Variants in TIMP3 observed in about 807,000 individuals in gnomAD.
TIMP3 encodes metalloproteinase inhibitor 3.
In TIMP3, 11 loss-of-function variants were observed where a neutral mutation model predicts 30.0. That is an observed-to-expected ratio of 0.37 (90% CI 0.23 to 0.61). The LOEUF is 0.61. Among genes scored for constraint, TIMP3 ranks in the 20% least tolerant of loss-of-function variants. The pLI, the probability that TIMP3 is intolerant of heterozygous loss-of-function variation, is 0.70. For missense variants in TIMP3, 181 were observed against 276.8 expected (o/e 0.65, Z 2.45); for synonymous variants, 112 against 111.3 (o/e 1.01, Z -0.04).
At chr22:32,822,653 G>C (rs776995323) in intron 1 of TIMP3, among the ~76,000 whole-genome samples, 1 of 152,120 alleles carries the variant, frequency 6.6e-6, no homozygotes, top group Non-Finnish European at 1.5e-5. Context: ...ATTATGGTGC[G>C]TTCATACAGT....
intron 3 of TIMP3, 102 bp downstream of exon 3, chr22:32,857,462 G>A: frequency 1.1e-6 from 1 of 887,438 alleles, no homozygotes; most frequent in Non-Finnish European, 1.9e-6. Flanking sequence ...CAAATGTCCA[G>A]TAAATTGTAA....
In TIMP3 at chr22:32,857,871, G is replaced by T. The variant is rs1281214210; in HGVS notation, c.317-146G>T. On this transcript the variant is annotated intron_variant, in intron 3 of 4. Coordinates refer to ENST00000266085, the MANE Select transcript of TIMP3 (RefSeq NM_000362.5). ...GGGGCTACAGTCCATTTTAAAAGGTGTTGGGTAGGGTGAAATAAAATCATG... is the reference window on the plus strand; with the variant it reads ...GGGGCTACAGTCCATTTTAAAAGGTTTTGGGTAGGGTGAAATAAAATCATG... 6 of 1,233,406 alleles carry T rather than the reference G, an allele frequency of 4.9e-6. No individual in the cohort carries two copies. In the East Asian group the frequency reaches 1.4e-4, roughly 29 times the overall value. The allele number at this position is 1,233,406 out of a possible 1,614,324, so 76.4% of individuals were successfully genotyped here.
At chr22:32,833,799 G>A in intron 1 of TIMP3, 1 of 499,926 alleles carries the variant, frequency 2.0e-6, no homozygotes, top group South Asian at 1.4e-5. Context: ...ACTTTATAGG[G>A]CCCTAGTGAG....
intron 1 of TIMP3, among the ~76,000 whole-genome samples, chr22:32,810,457 C>T (rs5749517): frequency 0.048 from 7,200 of 149,416 alleles, 209 homozygotes; most frequent in African/African-American, 0.062. Context: ...GAAAGCTGTA[C>T]GATCTGGCCT....
intron 2 of TIMP3, among the ~76,000 whole-genome samples, chr22:32,850,931 C>T (rs1007186303): frequency 6.6e-6 from 1 of 152,170 alleles, no homozygotes; most frequent in African/African-American, 2.4e-5. Context: ...TTCCTGTGTC[C>T]TGAGGCTGGA....
intron 1 of TIMP3, among the ~76,000 whole-genome samples, chr22:32,847,869 A>G (rs2048113033): frequency 1.3e-5 from 2 of 152,216 alleles, no homozygotes; most frequent in South Asian, 2.1e-4. Context: ...CCCCATTCCA[A>G]TTCCTGTTGA....
chr22:32,814,227 GAA>G (rs1246463192), intron 1 of TIMP3, among the ~76,000 whole-genome samples: 1 of 122,986 alleles, frequency 8.1e-6, no homozygotes, highest in Non-Finnish European at 1.7e-5. Context: ...AGGAAAGAAA[GAA>G]AAAAAAAGAA....
chr22:32,831,853 C>G (rs188572608), intron 1 of TIMP3, among the ~76,000 whole-genome samples: 7 of 152,114 alleles, frequency 4.6e-5, no homozygotes, highest in African/African-American at 7.2e-5. Flanking sequence ...CTGCACCCCC[C>G]CCAACCTCCA....
At chr22:32,849,885 G>A (rs936790900) in intron 2 of TIMP3, among the ~76,000 whole-genome samples, 5 of 152,054 alleles carry the variant, frequency 3.3e-5, no homozygotes, top group Admixed American at 6.5e-5. Context: ...ATTGTGAAAT[G>A]AGGGGGTTGG....
Position 32,801,828 on chromosome 22 carries a change from C to T in TIMP3, c.-174C>T. ...TCCTGCGCCAGCGCCGAGGCAGCCT[C>T]GCTGCGCCCCATCCCGTCCCGCCGG... On this transcript the variant is annotated 5_prime_UTR_variant, in exon 1 of 5. Coordinates refer to ENST00000266085, the MANE Select transcript of TIMP3 (RefSeq NM_000362.5). The surrounding 1 kb of genome is among the most constrained non-coding windows in gnomAD (Gnocchi z 4.7). 2.7e-6 allele frequency: 2 copies of T among 747,184 alleles called. No homozygotes were observed. Among genetic ancestry groups the T allele is most frequent in the East Asian group, 4.7e-5 (1 of 21,090 alleles). The allele number at this position is 747,184 out of a possible 1,614,324, so 46.3% of individuals were successfully genotyped here.
chr22:32,830,187 T>G (rs1412900650), intron 1 of TIMP3, among the ~76,000 whole-genome samples: 4 of 152,178 alleles, frequency 2.6e-5, no homozygotes, highest in African/African-American at 9.6e-5. Flanking sequence ...TTCGTCCTTT[T>G]TCCCGCTGCC....
At chr22:32,836,194 CTG>C (rs1335422953) in intron 1 of TIMP3, among the ~76,000 whole-genome samples, 4 of 152,194 alleles carry the variant, frequency 2.6e-5, no homozygotes, top group Admixed American at 2.6e-4. Context: ...GTAAGATGTA[CTG>C]TTTGTAAAGT....
intron 1 of TIMP3, among the ~76,000 whole-genome samples, chr22:32,838,995 G>A (rs1460483660): frequency 1.3e-5 from 2 of 151,644 alleles, no homozygotes; most frequent in African/African-American, 4.8e-5. Context: ...GACTAGCTTG[G>A]CCTGGGGTGG....
intron 1 of TIMP3, among the ~76,000 whole-genome samples, chr22:32,826,246 T>C (rs2047408586): frequency 1.3e-5 from 2 of 152,094 alleles, no homozygotes; most frequent in South Asian, 4.1e-4. Context: ...CTGGTCAACA[T>C]GGTGAAACTC....
intron 1 of TIMP3, among the ~76,000 whole-genome samples, chr22:32,806,016 C>G (rs2046724839): frequency 6.6e-6 from 1 of 151,894 alleles, no homozygotes; most frequent in South Asian, 2.1e-4. Context: ...GGAAAAGACC[C>G]TTGAAACCAT....
chr22:32,857,215 AAAG>A lies in TIMP3; in HGVS notation c.205-27_205-25del, dbSNP rs775430336. ...GGATCATACGGGTGTCCAAACTGGG[AAAG>A]AAGAAGTCATGATGTTCCTTTTGCC... On this transcript the variant is annotated intron_variant, in intron 2 of 4. Transcript: ENST00000266085. 1.3e-5 allele frequency: 20 copies of A among 1,551,578 alleles called. No individual in the cohort carries two copies. In the South Asian group the frequency reaches 1.9e-4, roughly 15 times the overall value.
Position 32,803,776 on chromosome 22 carries a change from CAG to C in TIMP3, c.121+1655_121+1656del, listed in dbSNP as rs1343824173. ...CGGCCAGGAGGCTGGCAGGTGGAAT[CAG>C]GGTGTGCAGGGGTGCAGCCCAAGTC... is the stretch of plus-strand genomic sequence containing the variant. On this transcript the variant is annotated intron_variant, in intron 1 of 4. Coordinates refer to ENST00000266085, the MANE Select transcript of TIMP3 (RefSeq NM_000362.5). 2.6e-5 allele frequency among the ~76,000 whole-genome samples: 4 copies of C among 152,316 alleles called. No homozygotes were observed. The South Asian group carries it at 8.3e-4, about 32-fold the overall frequency.
chr22:32,835,674 C>T (rs2047709662), intron 1 of TIMP3, among the ~76,000 whole-genome samples: 1 of 152,162 alleles, frequency 6.6e-6, no homozygotes, highest in Non-Finnish European at 1.5e-5. Flanking sequence ...TACTTGTTCG[C>T]CCCTTGCCAT....
At position 32,860,231 on chromosome 22, in the gene TIMP3, G is replaced by T. The variant is rs993022300; in HGVS notation, c.*854G>T. 6.6e-6 allele frequency: 1 copy of T among 152,266 alleles called. No individual in the cohort carries two copies. The highest frequency in any genetic ancestry group is 1.5e-5 in the Non-Finnish European group (1 of 68,044). 9.4% of individuals were successfully genotyped at this position (152,266 alleles called of 1,614,324 possible). A position where few individuals can be genotyped will look rare whatever the true frequency, so the allele number is the denominator to read the frequency against. On this transcript the variant is annotated 3_prime_UTR_variant, in exon 5 of 5. Transcript: ENST00000266085. Reference sequence around the variant, plus strand: ...CCCACCAGACTTCCTCCTGGAAAACGCTTTGGTAGATTTGGCCAGGAGCTT... The same window carrying T: ...CCCACCAGACTTCCTCCTGGAAAACTCTTTGGTAGATTTGGCCAGGAGCTT...
Sources: allele counts gnomAD v4.1 joint callset (sites outside exome capture counted in the v4.1 genomes callset), GRCh38; gene constraint gnomAD v4.1.1; non-coding constraint Gnocchi (gnomAD v3.1); transcripts MANE v1.5; gene names NCBI Gene and HGNC (gene_info 2026-07-23, HGNC 2026-07-21).